Variants in NXPE4 observed in about 807,000 individuals in gnomAD.
NXPE4 encodes the protein NXPE family member 4.
NXPE4 carries 42 observed loss-of-function variants against 33.3 expected under a neutral mutation model. The ratio of observed to expected loss-of-function variants is 1.26; its 90% CI spans 0.98 to 1.63. The LOEUF is 1.63. NXPE4 is among the 40% of genes most tolerant of loss of function. The probability of loss-of-function intolerance (pLI) is 0.00; values close to 1 mark genes in which losing one functional copy is unlikely to be tolerated. For synonymous variants in NXPE4, 253 were observed against 234.9 expected (o/e 1.08, Z -0.71); for missense variants, 709 against 647.6 (o/e 1.09, Z -1.03).
the NXPE4 span, among the ~76,000 whole-genome samples, chr11:114,655,225 A>G: frequency 6.6e-6 from 1 of 151,980 alleles, no homozygotes; most frequent in Non-Finnish European, 1.5e-5. Context: ...TGGATATTAA[A>G]CCTTTGTCAG....
chr11:114,599,823 C>T (rs1356185041), upstream of NXPE4, among the ~76,000 whole-genome samples: 3 of 152,108 alleles, frequency 2.0e-5, no homozygotes, highest in African/African-American at 4.8e-5. Context: ...GATCCAATTA[C>T]GTCCTACCAG....
chr11:114,587,742 A>T (rs974657256), intron 2 of NXPE4, among the ~76,000 whole-genome samples: 1 of 152,130 alleles, frequency 6.6e-6, no homozygotes, highest in African/African-American at 2.4e-5. Flanking sequence ...GACTAAAGGG[A>T]CACCTTTTTT....
At chr11:114,670,397 A>G in the NXPE4 span, among the ~76,000 whole-genome samples, 1 of 152,030 alleles carries the variant, frequency 6.6e-6, no homozygotes, top group Non-Finnish European at 1.5e-5. Context: ...CAGCCCAATT[A>G]CTAAACAAAC....
At chr11:114,577,114 C>T (rs7938592) in intron 5 of NXPE4, among the ~76,000 whole-genome samples, 56 of 132,116 alleles carry the variant, frequency 4.2e-4, no homozygotes, top group South Asian at 3.1e-3. Flanking sequence ...TATATATACA[C>T]ATATATATAA....
At chr11:114,596,790 T>C (rs968429771), upstream of NXPE4, among the ~76,000 whole-genome samples, 21 of 152,192 alleles carry the variant, frequency 1.4e-4, no homozygotes, top group African/African-American at 5.1e-4. Flanking sequence ...CTGAGACATA[T>C]AGATTTATAG....
chr11:114,645,194 C>A, the NXPE4 span, among the ~76,000 whole-genome samples: 2 of 151,898 alleles, frequency 1.3e-5, no homozygotes, highest in Non-Finnish European at 2.9e-5. Context: ...CTCAGCTACA[C>A]AGAGGCTGAG....
the NXPE4 span, among the ~76,000 whole-genome samples, chr11:114,665,749 G>A: frequency 1.3e-5 from 2 of 152,096 alleles, no homozygotes; most frequent in Non-Finnish European, 2.9e-5. Flanking sequence ...CAGAATCCAG[G>A]GACTTGGAGA....
chr11:114,608,440 A>G, the NXPE4 span, among the ~76,000 whole-genome samples: 1 of 151,898 alleles, frequency 6.6e-6, no homozygotes, highest in African/African-American at 2.4e-5. Flanking sequence ...CTCGCAGGAA[A>G]GCACTGTTAC....
chr11:114,645,654 A>G, the NXPE4 span, among the ~76,000 whole-genome samples: 4 of 152,192 alleles, frequency 2.6e-5, no homozygotes, highest in Non-Finnish European at 1.5e-5. Flanking sequence ...AAGTTAGCAA[A>G]GAACTCCTCC....
At chr11:114,608,095 C>T in the NXPE4 span, among the ~76,000 whole-genome samples, 1 of 151,900 alleles carries the variant, frequency 6.6e-6, no homozygotes, top group Non-Finnish European at 1.5e-5. Context: ...TAAGTGTTGC[C>T]TCGTGGGTAA....
chr11:114,639,732 TATAAA>T, the NXPE4 span, among the ~76,000 whole-genome samples: 13,614 of 124,226 alleles, frequency 0.11, 1,077 homozygotes, highest in Middle Eastern at 0.28. Flanking sequence ...AGTAATATAA[TATAAA>T]ATAATATATA....
intron 2 of NXPE4, among the ~76,000 whole-genome samples, chr11:114,587,025 C>T (rs1477710156): frequency 6.6e-6 from 1 of 152,090 alleles, no homozygotes; most frequent in Non-Finnish European, 1.5e-5. Context: ...ATTTCAAGGT[C>T]AACAGCATCA....
At chr11:114,602,673 A>C in the NXPE4 span, among the ~76,000 whole-genome samples, 1 of 142,024 alleles carries the variant, frequency 7.0e-6, no homozygotes, top group African/African-American at 2.5e-5. Context: ...TAATTACAGA[A>C]TCATATGTAA....
the NXPE4 span, among the ~76,000 whole-genome samples, chr11:114,638,313 A>G: frequency 2.0e-5 from 3 of 152,092 alleles, no homozygotes; most frequent in African/African-American, 7.2e-5. Context: ...TTTCAGCTCC[A>G]TCAGCTCCTT....
At position 114,582,438 on chromosome 11, in the gene NXPE4, G is replaced by A. The variant is rs892503497; in HGVS notation, c.680C>T (p.Ala227Val). Residue 227 changes from alanine to valine, a missense_variant, in exon 3 of 6, where the codon GCT (alanine) becomes GTT (valine). Coordinates refer to ENST00000375478, the MANE Select transcript of NXPE4 (RefSeq NM_001077639.2). ...SECGLILNTNAELCQYLDNRD... is the reference protein window; with the variant it reads ...SECGLILNTNVELCQYLDNRD... ...GTTGTCCAGGTACTGGCACAATTCAGCATTTGTGTTTAGGATCAGGCCACA... is the reference window on the plus strand; with the variant it reads ...GTTGTCCAGGTACTGGCACAATTCAACATTTGTGTTTAGGATCAGGCCACA... 6 of 1,614,058 alleles carry A rather than the reference G, an allele frequency of 3.7e-6. 1 individual carries two copies. The Admixed American group carries it at 8.3e-5, about 22-fold the overall frequency.
At chr11:114,620,040 T>A in the NXPE4 span, among the ~76,000 whole-genome samples, 4 of 152,228 alleles carry the variant, frequency 2.6e-5, no homozygotes, top group African/African-American at 9.6e-5. Context: ...TACTCACTAC[T>A]GCCTCGTGGG....
chr11:114,631,517 C>G, the NXPE4 span, among the ~76,000 whole-genome samples: 2 of 107,514 alleles, frequency 1.9e-5, no homozygotes, highest in Middle Eastern at 0.011. Flanking sequence ...ACTCTGGGGA[C>G]TGTTGTGGGG....
chr11:114,643,700 C>T, the NXPE4 span, among the ~76,000 whole-genome samples: 1 of 152,138 alleles, frequency 6.6e-6, no homozygotes, highest in African/African-American at 2.4e-5. Flanking sequence ...ATGATGCCTC[C>T]ACCTTTGTTC....
chr11:114,629,969 G>A, the NXPE4 span, among the ~76,000 whole-genome samples: 1 of 150,350 alleles, frequency 6.7e-6, no homozygotes, highest in East Asian at 1.9e-4. Flanking sequence ...TACAAGGGAC[G>A]TGAAGGAACT....
Sources: gnomAD v4.1 joint callset for allele counts (sites outside exome capture counted in the v4.1 genomes callset) on GRCh38, gnomAD v4.1.1 for gene constraint, MANE v1.5 for transcripts, NCBI Gene and HGNC (gene_info 2026-07-23, HGNC 2026-07-21) for gene names.